KHDRBS2: variants seen among roughly 807,000 people sequenced by gnomAD.
KHDRBS2 encodes the protein KH domain-containing, RNA-binding, signal transduction-associated protein 2.
A neutral mutation model predicts 44.3 loss-of-function variants in KHDRBS2; 26 were observed. The observed-to-expected ratio is 0.59, with a 90% CI of 0.43 to 0.81. The LOEUF (loss-of-function observed/expected upper bound fraction) is 0.81, where lower values mean the gene tolerates loss of function less well. Among genes scored for constraint, KHDRBS2 ranks in the 40% least tolerant of loss-of-function variants. The probability of loss-of-function intolerance (pLI) is 0.00; values close to 1 mark genes in which losing one functional copy is unlikely to be tolerated. For synonymous variants in KHDRBS2, 194 were observed against 151.1 expected, an observed-to-expected ratio of 1.28 and a Z score of -2.08; for missense variants, 476 against 433.1, an observed-to-expected ratio of 1.10 and a Z score of -0.88.
At chr6:62,163,180 G>A (rs1052055214) in intron 2 of KHDRBS2, among the ~76,000 whole-genome samples, 3 of 152,000 alleles carry the variant, frequency 2.0e-5, no homozygotes, top group African/African-American at 7.2e-5. Context: ...AAGCAGTTTT[G>A]CAACAGGAGA....
rs114691158 is a variant in KHDRBS2 at position 62,191,308 on chromosome 6, C to T, written c.92-13996G>A. Among the ~76,000 whole-genome samples the T allele has an allele frequency of 2.5e-3, 382 of 152,224 alleles. 3 individuals carry two copies. The highest frequency in any genetic ancestry group is 8.4e-3 in the African/African-American group (350 of 41,552). On this transcript the variant is annotated intron_variant, in intron 1 of 8. Coordinates refer to ENST00000281156, the MANE Select transcript of KHDRBS2 (RefSeq NM_152688.4). ...ACGTTGTAGTCTATCCTCATACATA[C>T]TCTGAGCAAACGATACTCTCAAAGT...
At chr6:61,957,512 G>T (rs935330230) in intron 4 of KHDRBS2, among the ~76,000 whole-genome samples, 1 of 151,974 alleles carries the variant, frequency 6.6e-6, no homozygotes, top group Admixed American at 6.6e-5. Context: ...TGCTTTGGGG[G>T]TGGCTGTCTT....
At chr6:61,968,081 G>A (rs920592117) in intron 4 of KHDRBS2, among the ~76,000 whole-genome samples, 10 of 151,558 alleles carry the variant, frequency 6.6e-5, no homozygotes, top group Non-Finnish European at 1.3e-4. Context: ...GGATCTTTAA[G>A]CTTTAGAATG....
intron 6 of KHDRBS2, among the ~76,000 whole-genome samples, chr6:61,782,565 A>G (rs1783103884): frequency 6.6e-6 from 1 of 151,648 alleles, no homozygotes; most frequent in African/African-American, 2.4e-5. Flanking sequence ...ATAGATTTCC[A>G]GTATGGTCAC....
intron 3 of KHDRBS2, among the ~76,000 whole-genome samples, chr6:62,031,977 G>A (rs1301708104): frequency 1.3e-5 from 2 of 152,084 alleles, no homozygotes; most frequent in Non-Finnish European, 2.9e-5. Flanking sequence ...AGTCATAGTG[G>A]TGGTAGCCAC....
intron 1 of KHDRBS2, among the ~76,000 whole-genome samples, chr6:62,231,181 G>A (rs569591573): frequency 6.7e-4 from 102 of 152,192 alleles, no homozygotes; most frequent in Non-Finnish European, 1.3e-3. Context: ...ACACACAAAC[G>A]TACATTGTCC....
At chr6:62,084,872 A>C (rs950412346) in intron 2 of KHDRBS2, among the ~76,000 whole-genome samples, 3 of 152,128 alleles carry the variant, frequency 2.0e-5, no homozygotes, top group Non-Finnish European at 4.4e-5. Flanking sequence ...TTAACTTATG[A>C]CTATTTTCCT....
chr6:61,611,805 T>C, the KHDRBS2 span, among the ~76,000 whole-genome samples: 9 of 152,200 alleles, frequency 5.9e-5, no homozygotes, highest in Admixed American at 3.9e-4. Context: ...ACCCATTAGG[T>C]AGTTTTTCAA....
chr6:62,077,035 G>A (rs557788533), intron 2 of KHDRBS2, among the ~76,000 whole-genome samples: 1 of 151,982 alleles, frequency 6.6e-6, no homozygotes, highest in South Asian at 2.1e-4. Context: ...AACACAGCAA[G>A]ATCCTACATC....
chr6:61,892,912 T>C (rs1802207437), intron 6 of KHDRBS2, among the ~76,000 whole-genome samples: 1 of 151,974 alleles, frequency 6.6e-6, no homozygotes, highest in South Asian at 2.1e-4. Flanking sequence ...GGGACCTAAT[T>C]AAACTAAAGA....
intron 1 of KHDRBS2, among the ~76,000 whole-genome samples, chr6:62,185,222 C>T (rs1273754771): frequency 3.3e-5 from 5 of 151,892 alleles, no homozygotes; most frequent in Admixed American, 6.6e-5. Flanking sequence ...TTTTACCCAT[C>T]GTTATAGCCT....
At chr6:61,942,807 A>G (rs1466131277) in intron 4 of KHDRBS2, among the ~76,000 whole-genome samples, 4 of 152,086 alleles carry the variant, frequency 2.6e-5, no homozygotes, top group Non-Finnish European at 5.9e-5. Flanking sequence ...CAAAGAGAGA[A>G]TTATAAAAAC....
chr6:62,105,124 AT>A (rs1802866980), intron 2 of KHDRBS2, among the ~76,000 whole-genome samples: 1 of 152,178 alleles, frequency 6.6e-6, no homozygotes, highest in Non-Finnish European at 1.5e-5. Flanking sequence ...CATTAAAAAA[AT>A]GAGCTTTTAG....
chr6:62,220,954 CTCTAT>C (rs1223116375), intron 1 of KHDRBS2, among the ~76,000 whole-genome samples: 1 of 151,822 alleles, frequency 6.6e-6, no homozygotes, highest in African/African-American at 2.4e-5. Flanking sequence ...ACCCAGAAAT[CTCTAT>C]TCTGAGTATA....
At chr6:61,596,707 A>C in the KHDRBS2 span, among the ~76,000 whole-genome samples, 28,481 of 152,078 alleles carry the variant, frequency 0.19, 3,049 homozygotes, top group East Asian at 0.29. Flanking sequence ...GCTGGAGTAC[A>C]GTGGTGCAAT....
At chr6:61,964,434 G>T (rs749086481) in intron 4 of KHDRBS2, among the ~76,000 whole-genome samples, 2 of 151,960 alleles carry the variant, frequency 1.3e-5, no homozygotes, top group Non-Finnish European at 2.9e-5. Context: ...TCATTAGGGA[G>T]AGAAGAGAGA....
chr6:61,681,095 A>T, intron 8 of KHDRBS2, 35 bp from the exon 9 acceptor site: 1 of 1,410,590 alleles, frequency 7.1e-7, no homozygotes, highest in Non-Finnish European at 1.0e-6. Context: ...CACACACATG[A>T]CTTCACAGTT....
intron 2 of KHDRBS2, among the ~76,000 whole-genome samples, chr6:62,172,698 G>GAAAAAAAAAA (rs33984802): frequency 1.4e-5 from 1 of 73,474 alleles, no homozygotes; most frequent in Non-Finnish European, 2.5e-5. Context: ...CCAGCAAACT[G>GAAAAAAAAAA]AAAAAAAAAA....
At chr6:61,949,131 C>T (rs1270799726) in intron 4 of KHDRBS2, among the ~76,000 whole-genome samples, 1 of 152,066 alleles carries the variant, frequency 6.6e-6, no homozygotes, top group African/African-American at 2.4e-5. Flanking sequence ...CTGTGATTGT[C>T]ATCCTGTCCC....
Sources: allele counts gnomAD v4.1 joint callset (sites outside exome capture counted in the v4.1 genomes callset), GRCh38; gene constraint gnomAD v4.1.1; transcripts MANE v1.5; gene names NCBI Gene and HGNC (gene_info 2026-07-23, HGNC 2026-07-21).